CTNND2: variants seen among roughly 807,000 people sequenced by gnomAD.
CTNND2 encodes the protein catenin delta-2.
CTNND2 carries 22 observed loss-of-function variants against 144.4 expected under a neutral mutation model. The ratio of observed to expected loss-of-function variants is 0.15; its 90% confidence interval spans 0.11 to 0.22. CTNND2 has a LOEUF of 0.22. Ranked by LOEUF, CTNND2 falls within the 10% of genes least tolerant of loss-of-function variation. CTNND2 has a pLI of 1.00. For missense variants in CTNND2, 1,353 were observed against 1,618.8 expected, an observed-to-expected ratio of 0.84 and a Z score of 2.82; for synonymous variants, 751 against 695.6, an observed-to-expected ratio of 1.08 and a Z score of -1.25.
intron 11 of CTNND2, among the ~76,000 whole-genome samples, chr5:11,182,359 G>A (rs1402470831): frequency 6.6e-6 from 1 of 151,972 alleles, no homozygotes; most frequent in African/African-American, 2.4e-5. Flanking sequence ...ACCCACCTTC[G>A]TGTGCACATC....
At chr5:11,756,982 C>T (rs1322693615) in intron 1 of CTNND2, among the ~76,000 whole-genome samples, 1 of 151,586 alleles carries the variant, frequency 6.6e-6, no homozygotes, top group Non-Finnish European at 1.5e-5. Context: ...TAAAAAGTTG[C>T]TTAACACCCT....
intron 18 of CTNND2, among the ~76,000 whole-genome samples, chr5:11,005,759 G>A (rs1434316853): frequency 1.3e-5 from 2 of 152,220 alleles, no homozygotes; most frequent in East Asian, 1.9e-4. Flanking sequence ...AGCCATCTAA[G>A]TGCAGATGTC....
At chr5:11,608,598 T>C (rs1780174051) in intron 2 of CTNND2, among the ~76,000 whole-genome samples, 1 of 152,118 alleles carries the variant, frequency 6.6e-6, no homozygotes, top group South Asian at 2.1e-4. Flanking sequence ...GCCTACAAAA[T>C]ATATGCTGAG....
intron 21 of CTNND2, among the ~76,000 whole-genome samples, 193 bp downstream of exon 21, chr5:10,981,580 G>A (rs926894321): frequency 1.4e-5 from 2 of 143,172 alleles, no homozygotes; most frequent in African/African-American, 5.3e-5. Context: ...CTGTTCTGCC[G>A]AGTCCAACAC....
rs145001229 is a variant in CTNND2 at position 11,273,666 on chromosome 5, G to A, written c.1629-36843C>T. The stretch of plus-strand genomic sequence containing the variant: ...CATTGCAGGGAGATGAGCTGTTCCC[G>A]TCTCCTTGCAACAGCAACTGCATTT... On this transcript the variant is annotated intron_variant, in intron 9 of 21. Transcript: ENST00000304623. Among the ~76,000 whole-genome samples the A allele has an allele frequency of 6.1e-4, 93 of 152,248 alleles. No homozygotes were observed. In the East Asian group the frequency reaches 0.014, roughly 23 times the overall value.
At chr5:11,858,461 C>G (rs965843585) in intron 1 of CTNND2, among the ~76,000 whole-genome samples, 4 of 152,124 alleles carry the variant, frequency 2.6e-5, no homozygotes, top group Non-Finnish European at 4.4e-5. Context: ...ATAATACAAT[C>G]AATACAATAC....
intron 11 of CTNND2, among the ~76,000 whole-genome samples, chr5:11,184,101 T>C (rs1735381777): frequency 6.6e-6 from 1 of 152,242 alleles, no homozygotes. Flanking sequence ...CTGAATGCTT[T>C]GAAATCAGTA....
chr5:11,814,603 C>T (rs181752706), intron 1 of CTNND2, among the ~76,000 whole-genome samples: 48 of 152,334 alleles, frequency 3.2e-4, no homozygotes, highest in African/African-American at 1.1e-3. Context: ...GAAAGCCAGA[C>T]GCAGAGAGCC....
intron 1 of CTNND2, among the ~76,000 whole-genome samples, chr5:11,880,010 T>C (rs183208412): frequency 6.6e-6 from 1 of 152,292 alleles, no homozygotes; most frequent in Non-Finnish European, 1.5e-5. Context: ...TCCTGGGTTC[T>C]GGAGTCACCA....
At chr5:11,858,540 T>C (rs185878192) in intron 1 of CTNND2, among the ~76,000 whole-genome samples, 6 of 152,376 alleles carry the variant, frequency 3.9e-5, no homozygotes, top group Admixed American at 2.0e-4. Flanking sequence ...AGATAACTTA[T>C]TGATATATGT....
chr5:11,300,195 G>C (rs964105231), intron 9 of CTNND2, among the ~76,000 whole-genome samples: 1 of 152,060 alleles, frequency 6.6e-6, no homozygotes, highest in Non-Finnish European at 1.5e-5. Flanking sequence ...CCTGCTCTTA[G>C]GAAAAGAGAC....
At chr5:11,048,349 A>G (rs1452338486) in intron 16 of CTNND2, among the ~76,000 whole-genome samples, 1 of 152,210 alleles carries the variant, frequency 6.6e-6, no homozygotes, top group Non-Finnish European at 1.5e-5. Context: ...CTGCCTTCAG[A>G]GATTTACATG....
At chr5:11,428,452 C>A (rs1762989003) in intron 3 of CTNND2, among the ~76,000 whole-genome samples, 1 of 152,180 alleles carries the variant, frequency 6.6e-6, no homozygotes, top group Non-Finnish European at 1.5e-5. Context: ...ATGAGGCCAA[C>A]TGAGTGAGGC....
At chr5:11,274,425 A>G (rs1746321805) in intron 9 of CTNND2, among the ~76,000 whole-genome samples, 1 of 152,212 alleles carries the variant, frequency 6.6e-6, no homozygotes, top group Non-Finnish European at 1.5e-5. Context: ...ATTTCACATG[A>G]ACACAGAATG....
At chr5:11,507,359 C>G (rs1771153447) in intron 3 of CTNND2, among the ~76,000 whole-genome samples, 1 of 152,142 alleles carries the variant, frequency 6.6e-6, no homozygotes, top group South Asian at 2.1e-4. Flanking sequence ...CTTGTTTAAG[C>G]TATACAATCA....
chr5:11,690,524 G>T (rs942629208), intron 2 of CTNND2, among the ~76,000 whole-genome samples: 1 of 151,924 alleles, frequency 6.6e-6, no homozygotes, highest in Non-Finnish European at 1.5e-5. Context: ...ATGAGGTCAT[G>T]AGATCGAGAC....
intron 2 of CTNND2, among the ~76,000 whole-genome samples, chr5:11,672,425 T>A (rs1016037164): frequency 2.0e-5 from 3 of 151,512 alleles, no homozygotes; most frequent in Non-Finnish European, 4.4e-5. Context: ...GAGATGGGGG[T>A]TTTATCTATA....
intron 2 of CTNND2, among the ~76,000 whole-genome samples, chr5:11,602,527 A>G (rs1375078780): frequency 6.6e-6 from 1 of 151,716 alleles, no homozygotes; most frequent in Non-Finnish European, 1.5e-5. Flanking sequence ...GTCTGTCCAG[A>G]TGGGAGAGTG....
At chr5:11,185,011 C>T (rs78486481) in intron 11 of CTNND2, among the ~76,000 whole-genome samples, 1 of 152,260 alleles carries the variant, frequency 6.6e-6, no homozygotes, top group Non-Finnish European at 1.5e-5. Flanking sequence ...AACACACATG[C>T]CCACCCCTGC....
Sources: allele counts gnomAD v4.1 joint callset (sites outside exome capture counted in the v4.1 genomes callset), GRCh38; gene constraint gnomAD v4.1.1; transcripts MANE v1.5; gene names NCBI Gene and HGNC (gene_info 2026-07-23, HGNC 2026-07-21).